KLF3: variants seen among roughly 807,000 people sequenced by gnomAD.
KLF3 encodes the protein KLF transcription factor 3.
KLF3 carries 6 observed loss-of-function variants against 32.7 expected under a neutral mutation model. The ratio of observed to expected loss-of-function variants is 0.18; its 90% CI spans 0.10 to 0.36. The LOEUF is 0.36. Among genes scored for constraint, KLF3 ranks in the 10% least tolerant of loss-of-function variants. The pLI, the probability that KLF3 is intolerant of heterozygous loss-of-function variation, is 1.00. For missense variants in KLF3, 338 were observed against 449.7 expected (o/e 0.75, Z 2.25); for synonymous variants, 145 against 172.8 (o/e 0.84, Z 1.26).
At chr4:38,680,056 G>A (rs1327938875) in intron 1 of KLF3, among the ~76,000 whole-genome samples, 2 of 152,102 alleles carry the variant, frequency 1.3e-5, no homozygotes, top group African/African-American at 2.4e-5. Context: ...AGAAATGCTG[G>A]TTGGCTCTCA....
At position 38,671,030 on chromosome 4, in the gene KLF3, G is replaced by C. The variant is rs185152930; in HGVS notation, c.-40+6569G>C. On this transcript the variant is annotated intron_variant, in intron 1 of 5. Coordinates refer to ENST00000261438, the MANE Select transcript of KLF3 (RefSeq NM_016531.6). This position sits in a 1 kb window ranked among gnomAD's most constrained non-coding sequence, Gnocchi z 4.4. ...CCCTGGCACTGCTTCCCATGGGCCAGTGTGGCTGTGCACACCCACACCCTC... is the reference window on the plus strand; with the variant it reads ...CCCTGGCACTGCTTCCCATGGGCCACTGTGGCTGTGCACACCCACACCCTC... Among the ~76,000 whole-genome samples the C allele has an allele frequency of 7.5e-4, 115 of 152,324 alleles. No individual in the cohort carries two copies. Among genetic ancestry groups the C allele is most frequent in the African/African-American group, 2.5e-3 (103 of 41,576 alleles).
At chr4:38,672,526 G>A (rs916354299) in intron 1 of KLF3, among the ~76,000 whole-genome samples, 6 of 152,212 alleles carry the variant, frequency 3.9e-5, no homozygotes, top group African/African-American at 1.4e-4. Context: ...AAGCCGGAAG[G>A]GGAGGGGGCA....
At position 38,700,699 on chromosome 4, in the gene KLF3, C is replaced by T. The variant is rs1216780931; in HGVS notation, c.*3436C>T. ...TCTTAAACCATACCTGCAAATATAG[C>T]AGGATTATTACATTTACAGTACTTT... On this transcript the variant is annotated 3_prime_UTR_variant, in exon 6 of 6. Transcript: ENST00000261438. The T allele has an allele frequency of 6.6e-6, 1 of 152,102 alleles. No individual in the cohort carries two copies. The highest frequency in any genetic ancestry group is 1.5e-5 in the Non-Finnish European group (1 of 68,008). The allele number at this position is 152,102 out of a possible 1,614,324, so 9.4% of individuals were successfully genotyped here. A position where few individuals can be genotyped will look rare whatever the true frequency, so the allele number is the denominator to read the frequency against.
At chr4:38,687,337 T>C (rs895336799) in intron 2 of KLF3, among the ~76,000 whole-genome samples, 2 of 152,216 alleles carry the variant, frequency 1.3e-5, no homozygotes, top group Admixed American at 6.5e-5. Context: ...AATTAAAAAT[T>C]AGGTTGCATT....
At chr4:38,670,524 TTAAGTG>T (rs1477111331) in intron 1 of KLF3, among the ~76,000 whole-genome samples, 1 of 152,250 alleles carries the variant, frequency 6.6e-6, no homozygotes, top group East Asian at 1.9e-4. Context: ...CCACTGTTGT[TTAAGTG>T]TAATCACTGA....
At chr4:38,689,378 G>T (rs1366003080) in intron 3 of KLF3, among the ~76,000 whole-genome samples, 1 of 152,212 alleles carries the variant, frequency 6.6e-6, no homozygotes, top group East Asian at 1.9e-4. Flanking sequence ...GGTACAAAAG[G>T]CATTTAATAA....
At chr4:38,686,554 A>G (rs1002432123) in intron 2 of KLF3, among the ~76,000 whole-genome samples, 1 of 151,980 alleles carries the variant, frequency 6.6e-6, no homozygotes, top group Non-Finnish European at 1.5e-5. Context: ...TTCAAAAGGT[A>G]GCCTAAGTTC....
intron 1 of KLF3, among the ~76,000 whole-genome samples, chr4:38,678,147 G>A (rs968887248): frequency 3.9e-5 from 6 of 152,170 alleles, no homozygotes; most frequent in Non-Finnish European, 5.9e-5. Context: ...TGAATTCAGT[G>A]TAAAAAGCTG....
intron 2 of KLF3, among the ~76,000 whole-genome samples, chr4:38,682,433 C>T (rs1722558218): frequency 6.6e-6 from 1 of 152,220 alleles, no homozygotes; most frequent in African/African-American, 2.4e-5. Flanking sequence ...GGCATCACTA[C>T]ATGATCACGT....
At chr4:38,694,646 G>A in intron 4 of KLF3, 100 bp from the exon 5 acceptor site, 1 of 699,974 alleles carries the variant, frequency 1.4e-6, no homozygotes, top group Non-Finnish European at 2.0e-6. Flanking sequence ...GGGATTTTTT[G>A]TTTGTTTGTT....
intron 5 of KLF3, 25 bp from the exon 6 acceptor site, chr4:38,697,057 A>T (rs372490812): frequency 3.9e-5 from 61 of 1,547,628 alleles, no homozygotes; most frequent in Non-Finnish European, 4.8e-5. Context: ...AAAAAAAAAT[A>T]GCTCTTTTCT....
intron 4 of KLF3, 188 bp downstream of exon 4, chr4:38,690,067 C>T: frequency 2.0e-6 from 1 of 488,222 alleles, no homozygotes; most frequent in Non-Finnish European, 3.6e-6. Flanking sequence ...TATGCTGTTA[C>T]ACTGACAACG....
At position 38,680,634 on chromosome 4, in the gene KLF3, G is replaced by A. The variant is rs1388578864; in HGVS notation, c.9G>A (p.Met3Ile). ML[M>I]FDPVPVKQEA... Reference sequence around the variant, plus strand: ...AAGGTTTAACTAAAAGAATGCTCATGTTTGACCCAGTTCCTGTCAAGCAAG... The same window carrying A: ...AAGGTTTAACTAAAAGAATGCTCATATTTGACCCAGTTCCTGTCAAGCAAG... The change falls in exon 2 of 6, where the codon ATG (methionine) becomes ATA (isoleucine). Residue 3 changes from methionine to isoleucine, a missense_variant. Physicochemically the swap from Met to Ile is conservative, Grantham distance 10. Transcript: ENST00000261438. 2 of 1,613,686 alleles carry A rather than the reference G, an allele frequency of 1.2e-6. No individual in the cohort carries two copies. The highest frequency in any genetic ancestry group is 1.7e-5 in the Admixed American group (1 of 60,018).
intron 1 of KLF3, among the ~76,000 whole-genome samples, chr4:38,679,435 G>A (rs1038992956): frequency 1.7e-4 from 26 of 152,214 alleles, no homozygotes; most frequent in Admixed American, 2.0e-4. Context: ...GAAACAGGTT[G>A]TATTTTATTA....
chr4:38,688,911 A>C lies in KLF3; in HGVS notation c.384A>C (p.Ala128=), dbSNP rs748721232. The change falls in exon 3 of 6, where the codon GCA becomes GCC. Residue 128 remains alanine (A), a synonymous_variant. Transcript: ENST00000261438. This position sits in a 1 kb window ranked among gnomAD's most constrained non-coding sequence, Gnocchi z 4.9. ...CGCTGTCCATGCCACCAGTGATGGC[A>C]GCTGCCCTCTCGCGGCATGGAATAC... The part of the protein sequence containing the change: ...GVPLSMPPVM[A]AALSRHGIRS... 10 of 1,614,204 alleles carry C rather than the reference A, an allele frequency of 6.2e-6. No homozygotes were observed. In the South Asian group the frequency reaches 6.6e-5, roughly 11 times the overall value.
intron 2 of KLF3, among the ~76,000 whole-genome samples, chr4:38,683,943 G>T (rs752957997): frequency 6.6e-6 from 1 of 152,132 alleles, no homozygotes; most frequent in South Asian, 2.1e-4. Context: ...TTGCATGGGG[G>T]TGCATGCCAT....
chr4:38,695,550 A>G (rs1003001556), intron 5 of KLF3, among the ~76,000 whole-genome samples: 15 of 152,346 alleles, frequency 9.8e-5, no homozygotes, highest in African/African-American at 3.6e-4. Context: ...ACATTTTGGT[A>G]GTAAAACATC....
chr4:38,689,294 C>G (rs1722804133), intron 3 of KLF3, among the ~76,000 whole-genome samples: 1 of 152,174 alleles, frequency 6.6e-6, no homozygotes, highest in Non-Finnish European at 1.5e-5. Context: ...ATTACTTTCA[C>G]TATGTAATGG....
At position 38,698,511 on chromosome 4, in the gene KLF3, T is replaced by A. The variant is rs1321135766; in HGVS notation, c.*1248T>A. On this transcript the variant is annotated 3_prime_UTR_variant, in exon 6 of 6. Coordinates refer to ENST00000261438, the MANE Select transcript of KLF3 (RefSeq NM_016531.6). ...GACACTATTTGTAAATATAACTAGTTGTGAAGCACACATACCTTTATTTTG... is the reference window on the plus strand; with the variant it reads ...GACACTATTTGTAAATATAACTAGTAGTGAAGCACACATACCTTTATTTTG... The A allele has an allele frequency of 6.5e-6, 1 of 152,676 alleles. No homozygotes were observed. The highest frequency in any genetic ancestry group is 6.5e-5 in the Admixed American group (1 of 15,274). The allele number at this position is 152,676 out of a possible 1,614,324, so 9.5% of individuals were successfully genotyped here.
Sources: allele counts gnomAD v4.1 joint callset (sites outside exome capture counted in the v4.1 genomes callset), GRCh38; gene constraint gnomAD v4.1.1; non-coding constraint Gnocchi (gnomAD v3.1); transcripts MANE v1.5; gene names NCBI Gene and HGNC (gene_info 2026-07-23, HGNC 2026-07-21).